Variants in NSD2 observed in about 807,000 individuals in gnomAD.
The protein encoded by NSD2 is histone-lysine N-methyltransferase NSD2.
A neutral mutation model predicts 139.0 loss-of-function variants in NSD2; 12 were observed. The ratio of observed to expected loss-of-function variants is 0.09; its 90% CI spans 0.06 to 0.14. The LOEUF is 0.14. Ranked by LOEUF, NSD2 falls within the 10% of genes least tolerant of loss-of-function variation. The pLI, the probability that NSD2 is intolerant of heterozygous loss-of-function variation, is 1.00. For synonymous variants in NSD2, 669 were observed against 648.7 expected (o/e 1.03, Z -0.48); for missense variants, 1,155 against 1,745.0 (o/e 0.66, Z 6.02).
Position 1,953,541 on chromosome 4 carries a change from G to T in NSD2, c.2338+17G>T. ...CGTCAAAAGGTACAGGTGCACCTGC[G>T]CAGCCTTGCTGTGGGTTCAGATGCA... is the stretch of plus-strand genomic sequence containing the variant. On this transcript the variant is annotated intron_variant, in intron 12 of 21. Coordinates refer to ENST00000508803, the MANE Select transcript of NSD2 (RefSeq NM_001042424.3). The T allele has an allele frequency of 6.3e-7, 1 of 1,588,438 alleles. No homozygotes were observed. The highest frequency in any genetic ancestry group is 8.6e-7 in the Non-Finnish European group (1 of 1,168,806).
In NSD2 at chr4:1,973,731, C is replaced by G. The variant is rs1244539275; in HGVS notation, c.3373-1132C>G. 2.0e-5 allele frequency among the ~76,000 whole-genome samples: 3 copies of G among 152,260 alleles called. No individual in the cohort carries two copies. The highest frequency in any genetic ancestry group is 4.4e-5 in the Non-Finnish European group (3 of 68,052). On this transcript the variant is annotated intron_variant, in intron 18 of 21. Transcript: ENST00000508803. The surrounding 1 kb of genome is among the most constrained non-coding windows in gnomAD (Gnocchi z 5.5). ...GTCAGAGGCCGCGTGTGAATAGTGA[C>G]TCCGAAGCCTGCCGCTTCCTGGGAC... is the stretch of plus-strand genomic sequence containing the variant.
At chr4:1,926,995 TG>T (rs1720990378) in intron 5 of NSD2, among the ~76,000 whole-genome samples, 2 of 152,324 alleles carry the variant, frequency 1.3e-5, no homozygotes, top group South Asian at 4.1e-4. Flanking sequence ...CTTAGCTTAG[TG>T]GTTCTGCCTT....
At position 1,953,061 on chromosome 4, in the gene NSD2, G is replaced by C. The variant is rs562852381; in HGVS notation, c.2138-263G>C. On this transcript the variant is annotated intron_variant, in intron 11 of 21. Coordinates refer to ENST00000508803, the MANE Select transcript of NSD2 (RefSeq NM_001042424.3). ...TCAAGCTTCTTGCCAGTTAGACTGGGCCTCCCCAGCCAGGCTGCCTAGTAA... is the reference window on the plus strand; with the variant it reads ...TCAAGCTTCTTGCCAGTTAGACTGGCCCTCCCCAGCCAGGCTGCCTAGTAA... 173 of 1,457,546 alleles carry C rather than the reference G, an allele frequency of 1.2e-4. 1 individual carries two copies. In the South Asian group the frequency reaches 2.5e-3, roughly 21 times the overall value. The allele number at this position is 1,457,546 out of a possible 1,614,324, so 90.3% of individuals were successfully genotyped here.
intron 1 of NSD2, among the ~76,000 whole-genome samples, chr4:1,891,452 T>C (rs748840785): frequency 4.4e-4 from 67 of 152,196 alleles, no homozygotes; most frequent in Non-Finnish European, 9.0e-4. Context: ...GGTTGAGACC[T>C]CCTTCTGCTC....
In NSD2 at chr4:1,961,123, C is replaced by G; in HGVS notation, c.3344C>G (p.Thr1115Ser). ...RIKHAHENDITHFYMLTIDKD... is the reference protein window; with the variant it reads ...RIKHAHENDISHFYMLTIDKD... ...AAGCACGCACACGAGAACGACATCA[C>G]CCACTTCTACATGCTCACTATAGAC... Residue 1115 changes from threonine to serine, a missense_variant, in exon 18 of 22, where the codon ACC becomes AGC. Thr to Ser is a moderately conservative substitution (Grantham distance 58, BLOSUM62 1). This residue lies in a region of NSD2 where 139 missense variants were observed against 485.8 expected (regional missense o/e 0.29). Transcript: ENST00000508803. The G allele has an allele frequency of 6.2e-7, 1 of 1,613,404 alleles. No individual in the cohort carries two copies. Among genetic ancestry groups the G allele is most frequent in the Non-Finnish European group, 8.5e-7 (1 of 1,179,392 alleles).
intron 1 of NSD2, among the ~76,000 whole-genome samples, chr4:1,877,865 T>C (rs1038406257): frequency 2.0e-5 from 3 of 152,052 alleles, no homozygotes. Context: ...ACCACTGATT[T>C]AAAGTACTCT....
chr4:1,908,008 A>G (rs1718167158), intron 3 of NSD2, among the ~76,000 whole-genome samples: 1 of 152,166 alleles, frequency 6.6e-6, no homozygotes, highest in Non-Finnish European at 1.5e-5. Flanking sequence ...CACCAGCCGC[A>G]TTTCGGGAAA....
At chr4:1,890,606 A>G (rs116458049) in intron 1 of NSD2, among the ~76,000 whole-genome samples, 4,748 of 141,438 alleles carry the variant, frequency 0.034, 236 homozygotes, top group African/African-American at 0.12. Flanking sequence ...CGGCCTATAC[A>G]AGGTTTTTTA....
intron 21 of NSD2, among the ~76,000 whole-genome samples, chr4:1,977,556 A>C (rs2109028443): frequency 6.6e-6 from 1 of 152,234 alleles, no homozygotes; most frequent in East Asian, 1.9e-4. Flanking sequence ...TGAGCAGATC[A>C]CCTGAGGTCA....
chr4:1,900,837 C>T lies in NSD2; in HGVS notation c.183C>T (p.Val61=), dbSNP rs763156265. Residue 61 remains valine (V), a synonymous_variant, in exon 2 of 22, where the codon GTC becomes GTT. Transcript: ENST00000508803. ...TCTCCAGTAGCCTGCAGGAGGGGGTCATGCAGAAGTTTAACGGCCACGACG... is the reference window on the plus strand; with the variant it reads ...TCTCCAGTAGCCTGCAGGAGGGGGTTATGCAGAAGTTTAACGGCCACGACG... ...AQLSSSLQEG[V]MQKFNGHDAL... 2 of 1,613,798 alleles carry T rather than the reference C, an allele frequency of 1.2e-6. No individual in the cohort carries two copies. Among genetic ancestry groups the T allele is most frequent in the Non-Finnish European group, 8.5e-7 (1 of 1,179,864 alleles).
At position 1,942,096 on chromosome 4, in the gene NSD2, A is replaced by G. The variant is rs76833016; in HGVS notation, c.1881+2318A>G. ...ACTTTTATAGGGTTGGTATTTCAGA[A>G]CACTTTAGGTCATGTTGTAGTTTAA... is the stretch of plus-strand genomic sequence containing the variant. On this transcript the variant is annotated intron_variant, in intron 9 of 21. Coordinates refer to ENST00000508803, the MANE Select transcript of NSD2 (RefSeq NM_001042424.3). The surrounding 1 kb of genome is among the most constrained non-coding windows in gnomAD (Gnocchi z 4.0). 1,587 of 1,217,602 alleles carry G rather than the reference A, an allele frequency of 1.3e-3. 12 individuals are homozygous for G. The African/African-American group carries it at 0.022, about 17-fold the overall frequency. 75.4% of individuals were successfully genotyped at this position (1,217,602 alleles called of 1,614,324 possible). A position where few individuals can be genotyped will look rare whatever the true frequency, so the allele number is the denominator to read the frequency against.
At chr4:1,888,193 A>G (rs1481823632) in intron 1 of NSD2, among the ~76,000 whole-genome samples, 1 of 152,054 alleles carries the variant, frequency 6.6e-6, no homozygotes, top group Non-Finnish European at 1.5e-5. Flanking sequence ...TGGGTGGATC[A>G]CCTGAGGTCA....
chr4:1,939,702 G>A lies in NSD2; in HGVS notation c.1805G>A (p.Arg602Gln), dbSNP rs1418871757. The A allele has an allele frequency of 1.9e-6, 3 of 1,614,156 alleles. No individual in the cohort carries two copies. Among genetic ancestry groups the A allele is most frequent in the East Asian group, 2.2e-5 (1 of 44,892 alleles). ...DACKPLKKRN[R>Q]ASTAASSALG... ...TGTAAACCACTGAAGAAGCGAAATC[G>A]GGCTTCCACGGCAGCATCTTCAGCT... Residue 602 changes from arginine to glutamine, a missense_variant, in exon 9 of 22, where the codon CGG (arginine) becomes CAG (glutamine). By Grantham distance (43) the Arg-to-Gln change is conservative. This residue lies in a region of NSD2 where 420 missense variants were observed against 469.0 expected (regional missense o/e 0.90). Coordinates refer to ENST00000508803, the MANE Select transcript of NSD2 (RefSeq NM_001042424.3).
chr4:1,912,367 T>C (rs940468249), intron 3 of NSD2, among the ~76,000 whole-genome samples: 1 of 152,188 alleles, frequency 6.6e-6, no homozygotes, highest in African/African-American at 2.4e-5. Flanking sequence ...TTGTAATAAA[T>C]GAAAAATAAG....
intron 18 of NSD2, among the ~76,000 whole-genome samples, chr4:1,966,886 G>C (rs1021397669): frequency 6.6e-6 from 1 of 152,150 alleles, no homozygotes; most frequent in African/African-American, 2.4e-5. Flanking sequence ...GAGCTGTAAA[G>C]GGGCAGGGTT....
chr4:1,878,336 G>A (rs961856427), intron 1 of NSD2, among the ~76,000 whole-genome samples: 12 of 135,108 alleles, frequency 8.9e-5, no homozygotes, highest in Non-Finnish European at 1.5e-4. Context: ...TCGAACTCCT[G>A]ACCTCAAGTG....
rs1479987365 is a variant in NSD2 at position 1,948,766 on chromosome 4, A to G, written c.1882-2306A>G. ...ATGTAGGAAATCTCTCCAAGTGGAAACGTGCTAACTTTTTCTGTAAATCTG... is the reference window on the plus strand; with the variant it reads ...ATGTAGGAAATCTCTCCAAGTGGAAGCGTGCTAACTTTTTCTGTAAATCTG... On this transcript the variant is annotated intron_variant, in intron 9 of 21. Coordinates refer to ENST00000508803, the MANE Select transcript of NSD2 (RefSeq NM_001042424.3). This position sits in a 1 kb window ranked among gnomAD's most constrained non-coding sequence, Gnocchi z 4.5. The G allele has an allele frequency of 9.6e-7, 1 of 1,044,716 alleles. No homozygotes were observed. The highest frequency in any genetic ancestry group is 1.2e-6 in the Non-Finnish European group (1 of 865,396). The allele number at this position is 1,044,716 out of a possible 1,614,324, so 64.7% of individuals were successfully genotyped here. A position where few individuals can be genotyped will look rare whatever the true frequency, so the allele number is the denominator to read the frequency against.
chr4:1,930,919 G>T, intron 6 of NSD2, 149 bp downstream of exon 6: 2 of 981,240 alleles, frequency 2.0e-6, no homozygotes, highest in Non-Finnish European at 2.9e-6. Flanking sequence ...AGTGCGTGTG[G>T]TCACAGTAAA....
Position 1,978,703 on chromosome 4 carries a change from C to G in NSD2, c.3892C>G (p.Leu1298Val), listed in dbSNP as rs1035199365. 5 of 1,614,140 alleles carry G rather than the reference C, an allele frequency of 3.1e-6. No individual in the cohort carries two copies. Among genetic ancestry groups the G allele is most frequent in the Admixed American group, 1.7e-5 (1 of 60,014 alleles). The change falls in exon 22 of 22, where the codon CTC becomes GTC. Residue 1298 changes from leucine to valine, a missense_variant. This residue lies in a region of NSD2 where 132 missense variants were observed against 94.3 expected (regional missense o/e 1.40). Transcript: ENST00000508803. ...CAAACCTTCGACTTCATTTTGCCACCTCTGCCCCAATTCGTTCTGTAAGGA... is the reference window on the plus strand; with the variant it reads ...CAAACCTTCGACTTCATTTTGCCACGTCTGCCCCAATTCGTTCTGTAAGGA... ...CGKPSTSFCH[L>V]CPNSFCKEHQ...
Sources: gnomAD v4.1 joint callset for allele counts (sites outside exome capture counted in the v4.1 genomes callset) on GRCh38, gnomAD v4.1.1 for gene constraint, gnomAD v4.1.1 regional missense constraint, Gnocchi (gnomAD v3.1) non-coding constraint, MANE v1.5 for transcripts, NCBI Gene and HGNC (gene_info 2026-07-23, HGNC 2026-07-21) for gene names.